Variants in SPEF2 observed in about 807,000 individuals in gnomAD.
SPEF2 encodes sperm flagella and cilia-associated protein 2.
A neutral mutation model predicts 224.6 loss-of-function variants in SPEF2; 187 were observed. That is an observed-to-expected ratio of 0.83 (90% CI 0.74 to 0.94). SPEF2 has a LOEUF of 0.94. Ranked by LOEUF, SPEF2 falls within the 40% of genes least tolerant of loss-of-function variation. The pLI is 0.00. For missense variants in SPEF2, 2,170 were observed against 2,135.6 expected (o/e 1.02, Z -0.32); for synonymous variants, 715 against 707.3 (o/e 1.01, Z -0.17).
intron 24 of SPEF2, among the ~76,000 whole-genome samples, chr5:35,756,279 G>A (rs1175468202): frequency 1.3e-5 from 2 of 152,102 alleles, no homozygotes; most frequent in African/African-American, 4.8e-5. Context: ...TGTATATAAG[G>A]TTTGGAACTA....
At chr5:35,747,874 A>G (rs1401336954) in intron 23 of SPEF2, among the ~76,000 whole-genome samples, 1 of 152,220 alleles carries the variant, frequency 6.6e-6, no homozygotes, top group African/African-American at 2.4e-5. Context: ...CAGCAACTGC[A>G]GAATACACAT....
At chr5:35,648,051 G>C (rs936085712) in intron 5 of SPEF2, among the ~76,000 whole-genome samples, 5 of 152,132 alleles carry the variant, frequency 3.3e-5, no homozygotes, top group African/African-American at 1.2e-4. Context: ...TGTATGTCAA[G>C]CTGTGGATTG....
chr5:35,666,756 C>T (rs1321100335), intron 8 of SPEF2, among the ~76,000 whole-genome samples: 1 of 152,146 alleles, frequency 6.6e-6, no homozygotes, highest in East Asian at 1.9e-4. Context: ...CTATTTGCAA[C>T]CGGTGAACTC....
At position 35,750,894 on chromosome 5, in the gene SPEF2, A is replaced by C. The variant is rs115064540; in HGVS notation, c.3331-2730A>C. ...CATTATTTAAAAAAGATACTTGCAC[A>C]CATTGTTTATAGCAGCACAATTCAC... On this transcript the variant is annotated intron_variant, in intron 23 of 36. Coordinates refer to ENST00000356031, the MANE Select transcript of SPEF2 (RefSeq NM_024867.4). Among the ~76,000 whole-genome samples, 1,323 of 147,832 alleles carry C rather than the reference A, an allele frequency of 8.9e-3. 16 individuals are homozygous for C. Among genetic ancestry groups the C allele is most frequent in the African/African-American group, 0.032 (1,287 of 40,154 alleles).
chr5:35,752,854 T>A (rs926202394), intron 23 of SPEF2, among the ~76,000 whole-genome samples: 1 of 151,660 alleles, frequency 6.6e-6, no homozygotes, highest in African/African-American at 2.4e-5. Flanking sequence ...ACAAGTATAG[T>A]GACTTATGTT....
intron 2 of SPEF2, among the ~76,000 whole-genome samples, chr5:35,638,627 C>T (rs1222372843): frequency 6.6e-6 from 1 of 152,042 alleles, no homozygotes; most frequent in Admixed American, 6.6e-5. Flanking sequence ...TTGGACATCC[C>T]TTTCCTTATT....
At chr5:35,672,013 A>G (rs1272687218) in intron 10 of SPEF2, among the ~76,000 whole-genome samples, 1 of 151,832 alleles carries the variant, frequency 6.6e-6, no homozygotes, top group Non-Finnish European at 1.5e-5. Context: ...GGTCTCTTCA[A>G]GAACTTGTCC....
In SPEF2 at chr5:35,751,096, C is replaced by CACATATATATAT. The variant is rs1554048857; in HGVS notation, c.3331-2527_3331-2526insCATATATATATA. On this transcript the variant is annotated intron_variant, in intron 23 of 36. Transcript: ENST00000356031. ...ATATATATACACACACACACACACA[C>CACATATATATAT]ATATATATATATATATATATATGAT... is the stretch of plus-strand genomic sequence containing the variant. Among the ~76,000 whole-genome samples the CACATATATATAT allele has an allele frequency of 1.6e-4, 5 of 30,612 alleles. 1 individual carries two copies. Among genetic ancestry groups the CACATATATATAT allele is most frequent in the African/African-American group, 4.4e-4 (4 of 9,132 alleles). The allele number at this position is 30,612 out of a possible 152,430, so 20.1% of individuals were successfully genotyped here. A position where few individuals can be genotyped will look rare whatever the true frequency, so the allele number is the denominator to read the frequency against.
intron 2 of SPEF2, among the ~76,000 whole-genome samples, chr5:35,635,707 T>G (rs1275314830): frequency 1.3e-5 from 2 of 152,208 alleles, no homozygotes; most frequent in African/African-American, 4.8e-5. Context: ...TTCAGATGAT[T>G]CTGGTGTTTG....
rs1203558665 is a variant in SPEF2, at chr5:35,704,662, G to A, written c.2507G>A (p.Arg836Lys). The A allele has an allele frequency of 1.3e-6, 2 of 1,578,942 alleles. No homozygotes were observed. The highest frequency in any genetic ancestry group is 1.7e-6 in the Non-Finnish European group (2 of 1,150,510). ...AATTTAAGAGACCAGATACAACATA[G>A]GTTAGTTTTTAACTAAATGCTCTGC... ...DQNLRDQIQHRIIGFLDNWPL... is the reference protein window; with the variant it reads ...DQNLRDQIQHKIIGFLDNWPL... The change falls in exon 17 of 37, where the codon AGA becomes AAA. Residue 836 changes from arginine (R) to lysine (K), a missense_variant and splice_region_variant. Arg to Lys is a conservative substitution (Grantham distance 26). Transcript: ENST00000356031.
At chr5:35,740,780 T>A (rs1049941278) in intron 23 of SPEF2, among the ~76,000 whole-genome samples, 1 of 152,168 alleles carries the variant, frequency 6.6e-6, no homozygotes, top group Admixed American at 6.5e-5. Flanking sequence ...CAAGCAGATT[T>A]TCATAAAGTC....
At chr5:35,721,382 AG>A (rs1304831272) in intron 20 of SPEF2, among the ~76,000 whole-genome samples, 4 of 152,180 alleles carry the variant, frequency 2.6e-5, no homozygotes, top group Non-Finnish European at 5.9e-5. Context: ...TTTAAGGTAA[AG>A]CTTGGTGAGT....
intron 33 of SPEF2, among the ~76,000 whole-genome samples, chr5:35,798,339 G>C (rs944458860): frequency 6.6e-6 from 1 of 152,038 alleles, no homozygotes; most frequent in Non-Finnish European, 1.5e-5. Context: ...TGCCAATTCT[G>C]CTCAGCCACA....
At chr5:35,768,406 A>G (rs1159690012) in intron 26 of SPEF2, among the ~76,000 whole-genome samples, 1 of 152,114 alleles carries the variant, frequency 6.6e-6, no homozygotes, top group Non-Finnish European at 1.5e-5. Context: ...AGAAAATGAC[A>G]CTGAAAAATA....
At chr5:35,768,237 G>GTGACAATGA (rs1752347420) in intron 26 of SPEF2, among the ~76,000 whole-genome samples, 1 of 152,086 alleles carries the variant, frequency 6.6e-6, no homozygotes, top group Non-Finnish European at 1.5e-5. Context: ...GATGACGTTA[G>GTGACAATGA]TGACAATGAT....
chr5:35,675,916 T>A, intron 10 of SPEF2: 1 of 456,230 alleles, frequency 2.2e-6, no homozygotes, highest in Non-Finnish European at 4.4e-6. Context: ...CTTGTGTCTA[T>A]GGAATAGCAG....
intron 23 of SPEF2, among the ~76,000 whole-genome samples, chr5:35,749,529 A>G (rs1166429502): frequency 6.6e-6 from 1 of 152,160 alleles, no homozygotes; most frequent in African/African-American, 2.4e-5. Flanking sequence ...ATTAATGTAC[A>G]CAAATCAGTA....
chr5:35,739,588 C>G (rs1747236571), intron 21 of SPEF2, among the ~76,000 whole-genome samples: 1 of 152,106 alleles, frequency 6.6e-6, no homozygotes, highest in Non-Finnish European at 1.5e-5. Flanking sequence ...TTGATGTTGG[C>G]TAGGCTGGTC....
At chr5:35,796,047 C>T (rs1221526290) in intron 33 of SPEF2, among the ~76,000 whole-genome samples, 4 of 152,220 alleles carry the variant, frequency 2.6e-5, no homozygotes, top group African/African-American at 9.6e-5. Flanking sequence ...TCCATGGCCT[C>T]TCAGAATTCA....
Sources: allele counts gnomAD v4.1 joint callset (sites outside exome capture counted in the v4.1 genomes callset), GRCh38; gene constraint gnomAD v4.1.1; transcripts MANE v1.5; gene names NCBI Gene and HGNC (gene_info 2026-07-23, HGNC 2026-07-21).